CMIP: variants seen among roughly 807,000 people sequenced by gnomAD.
CMIP encodes c-Maf inducing protein, also known as C-Maf-inducing protein.
A neutral mutation model predicts 97.3 loss-of-function variants in CMIP; 13 were observed. The ratio of observed to expected loss-of-function variants is 0.13; its 90% CI spans 0.09 to 0.21. The LOEUF (loss-of-function observed/expected upper bound fraction) is 0.21. CMIP is among the 10% of genes least tolerant of loss of function. The probability of loss-of-function intolerance (pLI) is 1.00; values close to 1 mark genes in which losing one functional copy is unlikely to be tolerated. For synonymous variants in CMIP, 538 were observed against 436.3 expected (o/e 1.23, Z -2.91); for missense variants, 847 against 1,024.9 (o/e 0.83, Z 2.37).
chr16:81,682,569 A>T (rs964755058), intron 10 of CMIP, among the ~76,000 whole-genome samples: 1 of 147,716 alleles, frequency 6.8e-6, no homozygotes, highest in Admixed American at 6.8e-5. Flanking sequence ...CCCATCTCCA[A>T]AAAAAAAAAA....
At chr16:81,528,852 A>G (rs1248590462) in intron 1 of CMIP, among the ~76,000 whole-genome samples, 2 of 152,076 alleles carry the variant, frequency 1.3e-5, no homozygotes, top group Admixed American at 1.3e-4. Flanking sequence ...CTCAACAAAT[A>G]TTTGGTGAGC....
rs550910115 is a variant in CMIP at position 81,614,282 on chromosome 16, T to C, written c.426+6590T>C. On this transcript the variant is annotated intron_variant, in intron 2 of 20. Transcript: ENST00000537098. The surrounding 1 kb of genome is among the most constrained non-coding windows in gnomAD (Gnocchi z 5.3). ...CACAGTCACCAGCGACCACGCATTCTAGGTGGCTGGAAGCGGCACGGCATT... is the reference window on the plus strand; with the variant it reads ...CACAGTCACCAGCGACCACGCATTCCAGGTGGCTGGAAGCGGCACGGCATT... 6.6e-6 allele frequency among the ~76,000 whole-genome samples: 1 copy of C among 152,186 alleles called. No individual in the cohort carries two copies. The highest frequency in any genetic ancestry group is 1.5e-5 in the Non-Finnish European group (1 of 68,020).
intron 6 of CMIP, 37 bp from the exon 7 acceptor site, chr16:81,664,232 T>G (rs765764733): frequency 3.9e-6 from 6 of 1,557,452 alleles, no homozygotes; most frequent in Non-Finnish European, 8.7e-7. Flanking sequence ...CAGAACATTC[T>G]TAGGGCCGCA....
At chr16:81,495,309 C>T (rs2150770633) in intron 1 of CMIP, 2 of 1,442,046 alleles carry the variant, frequency 1.4e-6, no homozygotes, top group South Asian at 2.9e-5. Flanking sequence ...GGGCCCTGGG[C>T]AGGCTGGTTC....
intron 1 of CMIP, among the ~76,000 whole-genome samples, chr16:81,478,653 C>T (rs560557366): frequency 7.9e-5 from 12 of 152,194 alleles, no homozygotes; most frequent in African/African-American, 2.4e-4. Flanking sequence ...AGAGCCGCAG[C>T]CACCCCAGAG....
rs749518234 is a variant in CMIP at position 81,614,517 on chromosome 16, G to A, written c.427-6359G>A. On this transcript the variant is annotated intron_variant, in intron 2 of 20. Transcript: ENST00000537098. The surrounding 1 kb of genome is among the most constrained non-coding windows in gnomAD (Gnocchi z 5.3). ...TGATGACCCCAGCAAGTCTGGGTGT[G>A]TGTGTGGTATATGCATTGGTTTCCC... 4.6e-5 allele frequency among the ~76,000 whole-genome samples: 7 copies of A among 152,234 alleles called. No homozygotes were observed. Among genetic ancestry groups the A allele is most frequent in the Non-Finnish European group, 1.0e-4 (7 of 68,032 alleles).
Position 81,652,092 on chromosome 16 carries a change from A to G in CMIP, c.478-111A>G, listed in dbSNP as rs2092434763. 2 of 795,714 alleles carry G rather than the reference A, an allele frequency of 2.5e-6. No homozygotes were observed. Among genetic ancestry groups the G allele is most frequent in the Non-Finnish European group, 4.0e-6 (2 of 498,156 alleles). The allele number at this position is 795,714 out of a possible 1,614,324, so 49.3% of individuals were successfully genotyped here. On this transcript the variant is annotated intron_variant, in intron 3 of 20. Coordinates refer to ENST00000537098, the MANE Select transcript of CMIP (RefSeq NM_198390.3). The surrounding 1 kb of genome is among the most constrained non-coding windows in gnomAD (Gnocchi z 5.2). The stretch of plus-strand genomic sequence containing the variant: ...TAAACGGGGACTGGGCCAAGTTGTC[A>G]GTTTCTCAGGGCCCTTTACACCCTA...
chr16:81,572,761 A>G (rs1471734555), intron 1 of CMIP, among the ~76,000 whole-genome samples: 1 of 152,166 alleles, frequency 6.6e-6, no homozygotes, highest in Non-Finnish European at 1.5e-5. Flanking sequence ...AAGGTCCCTC[A>G]GGCTGGTTGT....
At chr16:81,540,643 AGTGTGTGTGTGTGTGTGT>A (rs67286788) in intron 1 of CMIP, among the ~76,000 whole-genome samples, 236 of 141,986 alleles carry the variant, frequency 1.7e-3, no homozygotes, top group African/African-American at 6.0e-3. Flanking sequence ...TCTTGTTTTG[AGTGTGTGTGTGTGTGTGT>A]GTGTGTGTGT....
chr16:81,529,193 G>A lies in CMIP; in HGVS notation c.301-78374G>A, dbSNP rs138991896. Reference sequence around the variant, plus strand: ...GAGAGGTCTCTAGGGCAGGTTGGGAGGATGAAGAAAAGCTTTCTGGAGGTC... The same window carrying A: ...GAGAGGTCTCTAGGGCAGGTTGGGAAGATGAAGAAAAGCTTTCTGGAGGTC... On this transcript the variant is annotated intron_variant, in intron 1 of 20. Coordinates refer to ENST00000537098, the MANE Select transcript of CMIP (RefSeq NM_198390.3). 5.1e-4 allele frequency among the ~76,000 whole-genome samples: 77 copies of A among 152,358 alleles called. 2 individuals carry two copies. The East Asian group carries it at 9.8e-3, about 19-fold the overall frequency.
intron 2 of CMIP, chr16:81,610,397 CAG>C: frequency 1.0e-6 from 1 of 985,742 alleles, no homozygotes; most frequent in East Asian, 1.1e-4. Flanking sequence ...ACAGCGCAGT[CAG>C]AGGCAGGAGC....
chr16:81,605,929 A>T (rs903236799), intron 1 of CMIP, among the ~76,000 whole-genome samples: 5 of 152,206 alleles, frequency 3.3e-5, no homozygotes, highest in Non-Finnish European at 5.9e-5. Flanking sequence ...TGAATTGATC[A>T]ATCTTTTGTA....
chr16:81,623,185 T>C (rs1047904994), intron 3 of CMIP, among the ~76,000 whole-genome samples: 1 of 152,116 alleles, frequency 6.6e-6, no homozygotes, highest in Non-Finnish European at 1.5e-5. Flanking sequence ...ACCTGAGTGA[T>C]AGAGTGAGAC....
chr16:81,615,110 ATG>A (rs752750422), intron 2 of CMIP, among the ~76,000 whole-genome samples: 4 of 129,656 alleles, frequency 3.1e-5, no homozygotes, highest in South Asian at 5.0e-4. Context: ...TGTGTATGGT[ATG>A]TGTCTGTGGT....
chr16:81,552,526 TG>T (rs1280698045), intron 1 of CMIP, among the ~76,000 whole-genome samples: 1 of 152,166 alleles, frequency 6.6e-6, no homozygotes, highest in Non-Finnish European at 1.5e-5. Context: ...CTGCATTCCT[TG>T]GCTTCTTGGC....
intron 2 of CMIP, chr16:81,610,648 A>C (rs1283959684): frequency 2.1e-6 from 1 of 484,034 alleles, no homozygotes; most frequent in African/African-American, 2.1e-5. Context: ...TCTCATCCTC[A>C]CCCCCACACT....
chr16:81,467,598 T>A (rs1907281108), intron 1 of CMIP, among the ~76,000 whole-genome samples: 1 of 151,522 alleles, frequency 6.6e-6, no homozygotes, highest in African/African-American at 2.4e-5. Context: ...TTTTTTTTTT[T>A]GAGATGGAGT....
At chr16:81,573,355 A>T (rs113546971) in intron 1 of CMIP, among the ~76,000 whole-genome samples, 25 of 152,254 alleles carry the variant, frequency 1.6e-4, no homozygotes, top group Middle Eastern at 3.4e-3. Context: ...AAAAATAAAA[A>T]AAAAAAAAAG....
chr16:81,696,723 C>T lies in CMIP; in HGVS notation c.1638+56C>T, dbSNP rs749318512. 5.3e-6 allele frequency: 8 copies of T among 1,521,902 alleles called. No individual in the cohort carries two copies. In the South Asian group the frequency reaches 9.4e-5, roughly 18 times the overall value. The allele number at this position is 1,521,902 out of a possible 1,614,324, so 94.3% of individuals were successfully genotyped here. A position where few individuals can be genotyped will look rare whatever the true frequency, so the allele number is the denominator to read the frequency against. On this transcript the variant is annotated intron_variant, in intron 14 of 20. Transcript: ENST00000537098. ...CCAGGGGTCCCTGGGCTTGCCATGC[C>T]TGACTAGTAAAACAGCCGTCCCCCA...
Sources: allele counts gnomAD v4.1 joint callset (sites outside exome capture counted in the v4.1 genomes callset), GRCh38; gene constraint gnomAD v4.1.1; non-coding constraint Gnocchi (gnomAD v3.1); transcripts MANE v1.5; gene names NCBI Gene and HGNC (gene_info 2026-07-23, HGNC 2026-07-21).